The following DHRS7B variants were observed in gnomAD, a reference collection of about 807,000 sequenced individuals.
DHRS7B encodes the protein peroxisomal reductase activating PPAR-gamma.
In DHRS7B, 24 loss-of-function variants were observed where a neutral mutation model predicts 26.4. The ratio of observed to expected loss-of-function variants is 0.91; its 90% CI spans 0.66 to 1.28. The LOEUF is 1.28. Among genes scored for constraint, DHRS7B ranks in the 50% most tolerant of loss-of-function variants. The pLI is 0.00. For synonymous variants in DHRS7B, 142 were observed against 166.4 expected (o/e 0.85, Z 1.13); for missense variants, 368 against 419.4 (o/e 0.88, Z 1.07).
chr17:21,143,574 TA>T, intron 1 of DHRS7B, among the ~76,000 whole-genome samples: 1 of 152,334 alleles, frequency 6.6e-6, no homozygotes, highest in African/African-American at 2.4e-5. Flanking sequence ...TTGTAATATA[TA>T]AAAAGCACCT....
intron 1 of DHRS7B, among the ~76,000 whole-genome samples, chr17:21,135,423 G>T (rs959948153): frequency 1.3e-5 from 2 of 152,140 alleles, no homozygotes; most frequent in African/African-American, 4.8e-5. Flanking sequence ...ATTTGGGAAA[G>T]TTTGTCAAAT....
At chr17:21,155,211 C>T (rs1234342504) in intron 1 of DHRS7B, among the ~76,000 whole-genome samples, 3 of 152,094 alleles carry the variant, frequency 2.0e-5, no homozygotes, top group Non-Finnish European at 2.9e-5. Context: ...GAGAGTTTAT[C>T]AAAGAATAAG....
chr17:21,136,038 C>G (rs1973332796), intron 1 of DHRS7B, among the ~76,000 whole-genome samples: 1 of 152,062 alleles, frequency 6.6e-6, no homozygotes, highest in South Asian at 2.1e-4. Flanking sequence ...GTGACTCATG[C>G]CTATAATCCC....
intron 1 of DHRS7B, chr17:21,128,348 G>T (rs1189619865): frequency 6.6e-6 from 1 of 152,048 alleles, no homozygotes; most frequent in Non-Finnish European, 1.5e-5. Context: ...GATCACCTGA[G>T]GTCAGGAGTT....
chr17:21,146,715 G>T (rs1021124996), intron 1 of DHRS7B, among the ~76,000 whole-genome samples: 1 of 152,156 alleles, frequency 6.6e-6, no homozygotes, highest in African/African-American at 2.4e-5. Flanking sequence ...AATTTAAAGA[G>T]AAATTATTTT....
At chr17:21,138,434 A>G (rs952793188) in intron 1 of DHRS7B, among the ~76,000 whole-genome samples, 1 of 151,636 alleles carries the variant, frequency 6.6e-6, no homozygotes, top group Non-Finnish European at 1.5e-5. Flanking sequence ...CATGTTAGCC[A>G]GGATGGTCTT....
At chr17:21,142,548 A>G (rs1973540902) in intron 1 of DHRS7B, among the ~76,000 whole-genome samples, 1 of 152,200 alleles carries the variant, frequency 6.6e-6, no homozygotes, top group Non-Finnish European at 1.5e-5. Context: ...CATGTGCCCA[A>G]GGTGGTTGGG....
intron 1 of DHRS7B, among the ~76,000 whole-genome samples, chr17:21,137,563 T>C (rs1973374907): frequency 6.6e-6 from 1 of 151,954 alleles, no homozygotes; most frequent in South Asian, 2.1e-4. Context: ...GTTCAAGTGA[T>C]TCTCCTGCCT....
At chr17:21,168,841 G>A in intron 1 of DHRS7B, 3 of 985,478 alleles carry the variant, frequency 3.0e-6, no homozygotes, top group Non-Finnish European at 2.4e-6. Flanking sequence ...GACCAAGGCT[G>A]GCCTGTGATG....
rs142689175 is a variant in DHRS7B, at chr17:21,172,559, C to G, written c.199+363C>G. On this transcript the variant is annotated intron_variant, in intron 2 of 6. Coordinates refer to ENST00000395511, the MANE Select transcript of DHRS7B (RefSeq NM_015510.5). ...TATCCCAATTTCCAAATATGGACAG[C>G]TAACTTAAAACGTGTTTTTACCTCT... 1.6e-3 allele frequency: 557 copies of G among 338,602 alleles called. 6 individuals carry two copies. The highest frequency in any genetic ancestry group is 0.011 in the African/African-American group (511 of 47,552). 21.0% of individuals were successfully genotyped at this position (338,602 alleles called of 1,614,324 possible).
intron 1 of DHRS7B, among the ~76,000 whole-genome samples, chr17:21,130,337 C>T (rs988688327): frequency 2.0e-5 from 3 of 152,012 alleles, no homozygotes; most frequent in African/African-American, 4.8e-5. Context: ...TGCAATGAGT[C>T]GAGATTGTGT....
In DHRS7B at chr17:21,149,858, G is replaced by C. The variant is rs538755628; in HGVS notation, c.21-22160G>C. Among the ~76,000 whole-genome samples, 11 of 152,250 alleles carry C rather than the reference G, an allele frequency of 7.2e-5. No individual in the cohort carries two copies. In the South Asian group the frequency reaches 2.3e-3, roughly 32 times the overall value. On this transcript the variant is annotated intron_variant, in intron 1 of 6. Transcript: ENST00000395511. The stretch of plus-strand genomic sequence containing the variant: ...AAAGGAAGACCAGAAGAAAGGAAGA[G>C]AGGAGTTGCAAAACAACCAGAAAAT...
chr17:21,135,124 A>C (rs557482137), intron 1 of DHRS7B, among the ~76,000 whole-genome samples: 1 of 152,230 alleles, frequency 6.6e-6, no homozygotes, highest in Non-Finnish European at 1.5e-5. Context: ...GACAATTGAC[A>C]AGGAAATTTG....
chr17:21,139,342 A>G (rs8076944), intron 1 of DHRS7B, among the ~76,000 whole-genome samples: 130,402 of 152,174 alleles, frequency 0.86, 56,004 homozygotes, highest in African/African-American at 0.88. Context: ...CCCCCGTGCC[A>G]TATTTTGACA....
At chr17:21,189,126 G>A (rs1347666006) in intron 6 of DHRS7B, among the ~76,000 whole-genome samples, 5 of 152,194 alleles carry the variant, frequency 3.3e-5, no homozygotes, top group Admixed American at 3.3e-4. Context: ...GGGCTAAAAG[G>A]AAGTTGCCAA....
At chr17:21,151,168 C>T (rs1018560253) in intron 1 of DHRS7B, among the ~76,000 whole-genome samples, 7 of 152,070 alleles carry the variant, frequency 4.6e-5, no homozygotes, top group African/African-American at 9.7e-5. Flanking sequence ...AAGAAATGGC[C>T]GCAGGGCTTT....
At chr17:21,156,466 A>G (rs1973882497) in intron 1 of DHRS7B, among the ~76,000 whole-genome samples, 1 of 151,640 alleles carries the variant, frequency 6.6e-6, no homozygotes, top group African/African-American at 2.4e-5. Flanking sequence ...TTAGCCAGGC[A>G]TGGTGTTGTG....
chr17:21,129,386 G>A (rs1050020217), intron 1 of DHRS7B, among the ~76,000 whole-genome samples: 1 of 152,074 alleles, frequency 6.6e-6, no homozygotes, highest in Non-Finnish European at 1.5e-5. Context: ...CTTGAGACTA[G>A]GAGGAGCTTG....
chr17:21,181,319 C>A (rs1223051035), intron 3 of DHRS7B, among the ~76,000 whole-genome samples: 1 of 152,170 alleles, frequency 6.6e-6, no homozygotes, highest in Non-Finnish European at 1.5e-5. Flanking sequence ...CTCCAGGCCT[C>A]AACTGAGTTG....
Sources: allele counts gnomAD v4.1 joint callset (sites outside exome capture counted in the v4.1 genomes callset), GRCh38; gene constraint gnomAD v4.1.1; transcripts MANE v1.5; gene names NCBI Gene and HGNC (gene_info 2026-07-23, HGNC 2026-07-21).